LAMC1: variants seen among roughly 807,000 people sequenced by gnomAD.
LAMC1 encodes laminin subunit gamma-1.
In LAMC1, 38 loss-of-function variants were observed where a neutral mutation model predicts 173.6. The observed-to-expected ratio is 0.22, with a 90% CI of 0.17 to 0.29. The LOEUF (loss-of-function observed/expected upper bound fraction) is 0.29. LAMC1 is among the 10% of genes least tolerant of loss of function. LAMC1 has a pLI of 1.00. For missense variants in LAMC1, 1,824 were observed against 2,051.8 expected (o/e 0.89, Z 2.14); for synonymous variants, 746 against 749.1 (o/e 1.00, Z 0.07).
In LAMC1 at chr1:183,126,203, G is replaced by A; in HGVS notation, c.2885G>A (p.Gly962Asp). 6.2e-7 allele frequency: 1 copy of A among 1,614,174 alleles called. No individual in the cohort carries two copies. The highest frequency in any genetic ancestry group is 1.1e-5 in the South Asian group (1 of 91,078). Reference protein sequence around the residue: ...GQCECQPGITGQHCERCEVNH... With the variant: ...GQCECQPGITDQHCERCEVNH... ...TGTGAGTGCCAGCCCGGCATCACTG[G>A]TCAGCACTGTGAGCGCTGTGAGGTC... Residue 962 changes from glycine (G) to aspartate (D), a missense_variant, in exon 16 of 28, where the codon GGT becomes GAT. Physicochemically the swap from Gly to Asp is moderately conservative, Grantham distance 94. Transcript: ENST00000258341.
At chr1:183,064,196 A>G (rs1476458717) in intron 1 of LAMC1, among the ~76,000 whole-genome samples, 2 of 152,212 alleles carry the variant, frequency 1.3e-5, no homozygotes, top group Admixed American at 6.5e-5. Context: ...ATATGTATAT[A>G]TAGTCATGCA....
chr1:183,117,306 T>C lies in LAMC1; in HGVS notation c.1565-14T>C. On this transcript the variant is annotated splice_polypyrimidine_tract_variant and intron_variant, in intron 8 of 27. Transcript: ENST00000258341. The stretch of plus-strand genomic sequence containing the variant: ...ACAGTGTAAAGTGCTTGTGTTTTCC[T>C]TCTCTACCTGCAGATGAGGATGGGT... 1.3e-6 allele frequency: 2 copies of C among 1,597,530 alleles called. No individual in the cohort carries two copies. The highest frequency in any genetic ancestry group is 1.7e-6 in the Non-Finnish European group (2 of 1,167,288).
rs139962510 is a variant in LAMC1 at position 183,142,731 on chromosome 1, G to T, written c.4771G>T (p.Asp1591Tyr). The change falls in exon 28 of 28, where the codon GAC (aspartate) becomes TAC (tyrosine). Residue 1591 changes from aspartate (D) to tyrosine (Y), a missense_variant. Asp to Tyr is a radical substitution (Grantham distance 160, BLOSUM62 -3). Transcript: ENST00000258341. ...EIMKDIRNLEDIRKTLPSGCF... is the reference protein window; with the variant it reads ...EIMKDIRNLEYIRKTLPSGCF... The stretch of plus-strand genomic sequence containing the variant: ...CATGAAGGACATTCGCAATCTGGAG[G>T]ACATCAGGAAGACCTTACCATCTGG... 6.8e-6 allele frequency: 11 copies of T among 1,613,920 alleles called. No individual in the cohort carries two copies. Among genetic ancestry groups the T allele is most frequent in the Non-Finnish European group, 8.5e-6 (10 of 1,179,950 alleles).
At chr1:183,114,112 C>G (rs1428657936) in intron 4 of LAMC1, among the ~76,000 whole-genome samples, 2 of 152,158 alleles carry the variant, frequency 1.3e-5, no homozygotes, top group Non-Finnish European at 2.9e-5. Context: ...TCTTGTCGCC[C>G]AGGCTGGTGC....
intron 1 of LAMC1, among the ~76,000 whole-genome samples, chr1:183,025,918 A>G (rs1653674129): frequency 6.6e-6 from 1 of 152,214 alleles, no homozygotes; most frequent in Admixed American, 6.5e-5. Context: ...AGGTGATTTC[A>G]GAGGTAGATA....
chr1:183,089,648 A>T (rs976813255), intron 1 of LAMC1, among the ~76,000 whole-genome samples: 4 of 152,204 alleles, frequency 2.6e-5, no homozygotes, highest in Admixed American at 6.5e-5. Context: ...AGAAGCTTTT[A>T]AAAAAATGAC....
At chr1:183,027,530 G>A (rs940241935) in intron 1 of LAMC1, among the ~76,000 whole-genome samples, 1 of 152,104 alleles carries the variant, frequency 6.6e-6, no homozygotes, top group Non-Finnish European at 1.5e-5. Flanking sequence ...CTTGAGAAAG[G>A]TAGCTTTTCC....
chr1:183,044,476 C>T (rs762899903), intron 1 of LAMC1, among the ~76,000 whole-genome samples: 1 of 152,048 alleles, frequency 6.6e-6, no homozygotes, highest in Non-Finnish European at 1.5e-5. Context: ...GAGCTGGGTA[C>T]TTGACTCGTA....
chr1:183,078,774 G>T (rs1038186198), intron 1 of LAMC1, among the ~76,000 whole-genome samples: 1 of 152,066 alleles, frequency 6.6e-6, no homozygotes, highest in Non-Finnish European at 1.5e-5. Flanking sequence ...AATTTGGGAG[G>T]CCGAGGCAGG....
chr1:183,120,842 G>T (rs1053482000), intron 11 of LAMC1, among the ~76,000 whole-genome samples: 1 of 152,062 alleles, frequency 6.6e-6, no homozygotes, highest in African/African-American at 2.4e-5. Context: ...TTTTTGGGGG[G>T]TTTTTTGGCT....
intron 1 of LAMC1, among the ~76,000 whole-genome samples, chr1:183,032,628 T>A (rs543242121): frequency 4.6e-5 from 7 of 152,312 alleles, no homozygotes; most frequent in African/African-American, 1.7e-4. Flanking sequence ...GCTCAAGTGA[T>A]CCTCTTGCCT....
Position 183,133,437 on chromosome 1 carries a change from C to G in LAMC1, c.3736C>G (p.Leu1246Val), listed in dbSNP as rs1656853740. Residue 1246 changes from leucine (L) to valine (V), a missense_variant, in exon 22 of 28, where the codon CTG becomes GTG. Transcript: ENST00000258341. Reference sequence around the variant, plus strand: ...ACAAGCGAAGAACATCTCACAGGATCTGGAAAAACAAGCTGCCCGAGTACA... The same window carrying G: ...ACAAGCGAAGAACATCTCACAGGATGTGGAAAAACAAGCTGCCCGAGTACA... Reference protein sequence around the residue: ...YEQAKNISQDLEKQAARVHEE... With the variant: ...YEQAKNISQDVEKQAARVHEE... The G allele has an allele frequency of 1.1e-5, 18 of 1,613,890 alleles. No individual in the cohort carries two copies. Among genetic ancestry groups the G allele is most frequent in the Non-Finnish European group, 1.5e-5 (18 of 1,179,918 alleles).
At chr1:183,029,614 TC>T in intron 1 of LAMC1, among the ~76,000 whole-genome samples, 1 of 152,258 alleles carries the variant, frequency 6.6e-6, no homozygotes, top group South Asian at 2.1e-4. Context: ...GTGTTAGGAC[TC>T]CTTCCCCAGT....
At chr1:183,056,612 G>C (rs182462305) in intron 1 of LAMC1, among the ~76,000 whole-genome samples, 22 of 152,204 alleles carry the variant, frequency 1.4e-4, no homozygotes, top group Admixed American at 1.3e-3. Flanking sequence ...TAGTCCATGA[G>C]GGGGCATAAA....
chr1:183,063,646 A>G (rs1293000449), intron 1 of LAMC1, among the ~76,000 whole-genome samples: 1 of 152,214 alleles, frequency 6.6e-6, no homozygotes, highest in Non-Finnish European at 1.5e-5. Flanking sequence ...AATGTCTTAT[A>G]AATCTTCCAT....
chr1:183,110,888 C>T (rs1656129489), intron 4 of LAMC1, among the ~76,000 whole-genome samples: 1 of 152,162 alleles, frequency 6.6e-6, no homozygotes, highest in Admixed American at 6.5e-5. Flanking sequence ...AGAGTTGGAG[C>T]AGCATCTGCA....
intron 14 of LAMC1, 177 bp from the exon 15 acceptor site, chr1:183,125,220 G>A (rs1001237734): frequency 2.2e-5 from 14 of 649,928 alleles, no homozygotes; most frequent in Middle Eastern, 4.2e-4. Flanking sequence ...TGTATCTCAC[G>A]TTTATAGCAC....
Position 183,116,911 on chromosome 1 carries a change from A to G in LAMC1, c.1564+8A>G. On this transcript the variant is annotated splice_region_variant and intron_variant, in intron 8 of 27. Transcript: ENST00000258341. ...CCTCTACCTTTCAGATTGGTAATTT[A>G]GACCTCATCCCCCAACCTGTTAGAA... is the stretch of plus-strand genomic sequence containing the variant. The G allele has an allele frequency of 6.2e-7, 1 of 1,611,600 alleles. No homozygotes were observed. The highest frequency in any genetic ancestry group is 2.2e-5 in the East Asian group (1 of 44,838).
intron 1 of LAMC1, among the ~76,000 whole-genome samples, chr1:183,101,009 T>G (rs1335285248): frequency 6.6e-6 from 1 of 152,196 alleles, no homozygotes; most frequent in Non-Finnish European, 1.5e-5. Context: ...GCAAGAGACA[T>G]ATGCCTGGTT....
Sources: gnomAD v4.1 joint callset for allele counts (sites outside exome capture counted in the v4.1 genomes callset) on GRCh38, gnomAD v4.1.1 for gene constraint, MANE v1.5 for transcripts, NCBI Gene and HGNC (gene_info 2026-07-23, HGNC 2026-07-21) for gene names.